The following BZW2 variants were observed in gnomAD, a reference collection of about 807,000 sequenced individuals.
BZW2 encodes the protein basic leucine zipper and W2 domains 2, also known as eIF5-mimic protein 1.
BZW2 carries 23 observed loss-of-function variants against 53.2 expected under a neutral mutation model. That is an observed-to-expected ratio of 0.43 (90% CI 0.31 to 0.61). The LOEUF (loss-of-function observed/expected upper bound fraction) is 0.61, where lower values mean the gene tolerates loss of function less well. BZW2 is among the 20% of genes least tolerant of loss of function. BZW2 has a pLI of 0.09. For missense variants in BZW2, 409 were observed against 503.1 expected, an observed-to-expected ratio of 0.81 and a Z score of 1.79; for synonymous variants, 227 against 186.4, an observed-to-expected ratio of 1.22 and a Z score of -1.77.
chr7:16,688,268 TC>T (rs2128364890), intron 6 of BZW2, among the ~76,000 whole-genome samples: 1 of 152,320 alleles, frequency 6.6e-6, no homozygotes, highest in South Asian at 2.1e-4. Flanking sequence ...CTGTTATCAT[TC>T]ATAGCATTAA....
chr7:16,678,543 TAA>T (rs1218994897), intron 3 of BZW2, among the ~76,000 whole-genome samples: 2 of 152,348 alleles, frequency 1.3e-5, no homozygotes, highest in East Asian at 1.9e-4. Context: ...TAATATGTAA[TAA>T]GTGTTTTCTT....
At position 16,706,335 on chromosome 7, in the gene BZW2, C is replaced by G. The variant is rs1405363483; in HGVS notation, c.*247C>G. The G allele has an allele frequency of 1.8e-5, 8 of 439,510 alleles. No individual in the cohort carries two copies. Among genetic ancestry groups the G allele is most frequent in the Non-Finnish European group, 2.8e-5 (7 of 247,410 alleles). The allele number at this position is 439,510 out of a possible 1,614,324, so 27.2% of individuals were successfully genotyped here. A position where few individuals can be genotyped will look rare whatever the true frequency, so the allele number is the denominator to read the frequency against. On this transcript the variant is annotated 3_prime_UTR_variant, in exon 12 of 12. Coordinates refer to ENST00000258761, the MANE Select transcript of BZW2 (RefSeq NM_014038.3). ...TATATGCTAACTTAAAGCCATTCAA[C>G]AAGGAGTCAAGTAGATCTGAAATTA...
intron 3 of BZW2, among the ~76,000 whole-genome samples, chr7:16,679,319 T>C (rs1371628877): frequency 3.3e-5 from 5 of 152,298 alleles, no homozygotes; most frequent in Admixed American, 3.3e-4. Context: ...GTCCATGAAA[T>C]CTTCACAATT....
chr7:16,683,478 T>G (rs1304855196), intron 5 of BZW2, among the ~76,000 whole-genome samples: 1 of 152,238 alleles, frequency 6.6e-6, no homozygotes, highest in Admixed American at 6.5e-5. Context: ...TAAAGTGATT[T>G]AAGTAGTTAA....
At chr7:16,695,178 C>T (rs191069756) in intron 8 of BZW2, among the ~76,000 whole-genome samples, 174 bp downstream of exon 8, 1 of 152,198 alleles carries the variant, frequency 6.6e-6, no homozygotes, top group South Asian at 2.1e-4. Context: ...TTAGAATCCT[C>T]CATTTTTGTT....
At position 16,681,282 on chromosome 7, in the gene BZW2, A is replaced by G. The variant is rs748410191; in HGVS notation, c.236-19A>G. On this transcript the variant is annotated intron_variant, in intron 3 of 11. Transcript: ENST00000258761. ...CAATTTCAGTATTATCCTAATTACA[A>G]TTACCTTTCTCTTTTTAGCCCCTGG... 1.9e-6 allele frequency: 3 copies of G among 1,592,924 alleles called. No homozygotes were observed. Among genetic ancestry groups the G allele is most frequent in the Admixed American group, 1.7e-5 (1 of 59,618 alleles).
chr7:16,682,927 G>T (rs1782995862), intron 5 of BZW2, 82 bp downstream of exon 5: 1 of 927,582 alleles, frequency 1.1e-6, no homozygotes, highest in Admixed American at 2.8e-5. Flanking sequence ...GCCGGACACG[G>T]TGGCTCACGC....
chr7:16,680,798 G>A (rs1269276100), intron 3 of BZW2, among the ~76,000 whole-genome samples: 3 of 151,860 alleles, frequency 2.0e-5, no homozygotes, highest in Non-Finnish European at 4.4e-5. Flanking sequence ...GCGAAACCCT[G>A]TCTAAAAAAT....
intron 3 of BZW2, among the ~76,000 whole-genome samples, chr7:16,678,324 C>A (rs2128360393): frequency 6.6e-6 from 1 of 152,076 alleles, no homozygotes; most frequent in Non-Finnish European, 1.5e-5. Context: ...GGATTACAAG[C>A]ATGGGCCACC....
At chr7:16,680,794 C>A (rs1355682180) in intron 3 of BZW2, among the ~76,000 whole-genome samples, 1 of 151,858 alleles carries the variant, frequency 6.6e-6, no homozygotes, top group Admixed American at 6.6e-5. Flanking sequence ...TAGAGCGAAA[C>A]CCTGTCTAAA....
chr7:16,652,118 A>G (rs1358220420), intron 1 of BZW2, among the ~76,000 whole-genome samples: 2 of 152,210 alleles, frequency 1.3e-5, no homozygotes, highest in South Asian at 2.1e-4. Flanking sequence ...TACCAATGCT[A>G]GAATGGAATT....
At position 16,654,745 on chromosome 7, in the gene BZW2, C is replaced by G. The variant is rs533333868; in HGVS notation, c.-8+8457C>G. Reference sequence around the variant, plus strand: ...GTGGATACACGGTTTCACCATGTTGCCCAGGCTTGTCTCAAACTCCTGACC... The same window carrying G: ...GTGGATACACGGTTTCACCATGTTGGCCAGGCTTGTCTCAAACTCCTGACC... On this transcript the variant is annotated intron_variant, in intron 1 of 11. Coordinates refer to ENST00000258761, the MANE Select transcript of BZW2 (RefSeq NM_014038.3). Among the ~76,000 whole-genome samples, 27 of 151,626 alleles carry G rather than the reference C, an allele frequency of 1.8e-4. 1 individual carries two copies. In the South Asian group the frequency reaches 5.4e-3, roughly 30 times the overall value.
chr7:16,666,455 T>G (rs959768490), intron 2 of BZW2, among the ~76,000 whole-genome samples: 2 of 151,064 alleles, frequency 1.3e-5, no homozygotes, highest in Non-Finnish European at 3.0e-5. Flanking sequence ...CAGGCTGGAG[T>G]GCAGTGGCGC....
chr7:16,664,019 T>G (rs1198699061), intron 1 of BZW2, among the ~76,000 whole-genome samples: 1 of 152,240 alleles, frequency 6.6e-6, no homozygotes, highest in Admixed American at 6.5e-5. Flanking sequence ...TAAATTGTTA[T>G]TGCATAGAAA....
At chr7:16,656,081 ATG>A (rs200562547) in intron 1 of BZW2, among the ~76,000 whole-genome samples, 44 of 150,828 alleles carry the variant, frequency 2.9e-4, no homozygotes, top group East Asian at 7.8e-4. Context: ...AGTCATATAT[ATG>A]TGTGTGTGTG....
chr7:16,694,973 A>G lies in BZW2; in HGVS notation c.791A>G (p.Glu264Gly). 1 of 1,590,250 alleles carries G rather than the reference A, an allele frequency of 6.3e-7. No homozygotes were observed. The highest frequency in any genetic ancestry group is 8.6e-7 in the Non-Finnish European group (1 of 1,161,440). ...AAGGAACTGCAGAAGGAGCTCCAGG[A>G]GCGTCTTTCTCAGGAATGCCCGATC... The part of the protein sequence containing the change: ...TRKELQKELQ[E>G]RLSQECPIKE... The change falls in exon 8 of 12, where the codon GAG (glutamate) becomes GGG (glycine). Residue 264 changes from glutamate (E) to glycine (G), a missense_variant. Physicochemically the swap from Glu to Gly is moderately conservative, Grantham distance 98. Transcript: ENST00000258761.
chr7:16,661,067 A>G (rs568159907), intron 1 of BZW2: 14 of 152,268 alleles, frequency 9.2e-5, no homozygotes, highest in African/African-American at 3.4e-4. Flanking sequence ...GCTTTAGAGT[A>G]TATATGCTCA....
At chr7:16,654,011 C>G (rs993821977) in intron 1 of BZW2, among the ~76,000 whole-genome samples, 2 of 132,692 alleles carry the variant, frequency 1.5e-5, no homozygotes, top group Non-Finnish European at 3.0e-5. Context: ...CTTTGGGTGG[C>G]CAAGGTGGGC....
intron 11 of BZW2, 110 bp downstream of exon 11, chr7:16,704,779 G>C (rs1783781069): frequency 5.1e-6 from 6 of 1,177,300 alleles, no homozygotes; most frequent in Non-Finnish European, 3.4e-6. Context: ...TAAAATTCTA[G>C]AGTTATCTTT....
Sources: allele counts gnomAD v4.1 joint callset (sites outside exome capture counted in the v4.1 genomes callset), GRCh38; gene constraint gnomAD v4.1.1; transcripts MANE v1.5; gene names NCBI Gene and HGNC (gene_info 2026-07-23, HGNC 2026-07-21).